Variants in MAP3K1 observed in about 807,000 individuals in gnomAD.
The protein encoded by MAP3K1 is mitogen-activated protein kinase kinase kinase 1.
Under a neutral mutation model 144.2 loss-of-function variants are expected in MAP3K1, and 36 were observed. That is an observed-to-expected ratio of 0.25 (90% CI 0.19 to 0.33). The LOEUF is 0.33. Ranked by LOEUF, MAP3K1 falls within the 10% of genes least tolerant of loss-of-function variation. The pLI, the probability that MAP3K1 is intolerant of heterozygous loss-of-function variation, is 1.00. For missense variants in MAP3K1, 1,650 were observed against 1,881.9 expected, an observed-to-expected ratio of 0.88 and a Z score of 2.28; for synonymous variants, 718 against 688.7, an observed-to-expected ratio of 1.04 and a Z score of -0.67.
intron 1 of MAP3K1, among the ~76,000 whole-genome samples, chr5:56,824,516 A>T (rs1416120230): frequency 1.3e-5 from 2 of 152,236 alleles, no homozygotes; most frequent in Non-Finnish European, 2.9e-5. Context: ...GAGAGGAGAG[A>T]GGGAGAATAG....
At chr5:56,891,033 G>A (rs1333182045) in intron 19 of MAP3K1, among the ~76,000 whole-genome samples, 2 of 152,034 alleles carry the variant, frequency 1.3e-5, no homozygotes, top group African/African-American at 4.8e-5. Context: ...GTGACAGTGA[G>A]AGCGAGACCC....
chr5:56,878,877 A>G (rs1158157864), intron 10 of MAP3K1, 103 bp from the exon 11 acceptor site: 1 of 964,184 alleles, frequency 1.0e-6, no homozygotes, highest in Non-Finnish European at 1.7e-6. Flanking sequence ...GTTATAATCC[A>G]TTCCTGTCTA....
rs559380852 is a variant in MAP3K1 at position 56,880,815 on chromosome 5, C to T, written c.2179+13C>T. ...ATACTAAAAGCTGGTAATAACTTTT[C>T]ACTTAAAAGGAATATAGCATATTTT... is the stretch of plus-strand genomic sequence containing the variant. On this transcript the variant is annotated intron_variant, in intron 12 of 19. Transcript: ENST00000399503. 146 of 1,595,872 alleles carry T rather than the reference C, an allele frequency of 9.1e-5. 2 individuals carry two copies. The South Asian group carries it at 1.5e-3, about 17-fold the overall frequency.
chr5:56,815,894 T>G lies in MAP3K1; in HGVS notation c.321T>G (p.Pro107=). 5 of 1,318,648 alleles carry G rather than the reference T, an allele frequency of 3.8e-6. No homozygotes were observed. Among genetic ancestry groups the G allele is most frequent in the Non-Finnish European group, 3.9e-6 (4 of 1,034,218 alleles). The allele number at this position is 1,318,648 out of a possible 1,614,324, so 81.7% of individuals were successfully genotyped here. ...DAAGSGTGFQ[P]VAVPPPHGAA... ...CGGGGAGTGGGACCGGCTTCCAGCC[T>G]GTGGCGGTGCCGCCGCCCCACGGAG... is the stretch of plus-strand genomic sequence containing the variant. The change falls in exon 1 of 20, where the codon CCT becomes CCG. Residue 107 remains proline, a synonymous_variant. Transcript: ENST00000399503.
intron 1 of MAP3K1, among the ~76,000 whole-genome samples, chr5:56,849,392 A>G (rs1037619259): frequency 1.3e-5 from 2 of 152,046 alleles, no homozygotes; most frequent in Non-Finnish European, 2.9e-5. Flanking sequence ...TTGTTGTGCT[A>G]AAGAGAGGAT....
rs186793036 is a variant in MAP3K1 at position 56,864,580 on chromosome 5, A to T, written c.835-154A>T. ...TAGTAGAGATGGGTTTCACCATGTT[A>T]ACCCGGATGGTCTGGATCTCCTGAC... On this transcript the variant is annotated intron_variant, in intron 3 of 19. Transcript: ENST00000399503. Among the ~76,000 whole-genome samples the T allele has an allele frequency of 8.2e-4, 125 of 152,120 alleles. 1 individual carries two copies. The highest frequency in any genetic ancestry group is 2.8e-3 in the African/African-American group (118 of 41,490).
chr5:56,845,105 C>T (rs1012784503), intron 1 of MAP3K1, among the ~76,000 whole-genome samples: 2 of 152,196 alleles, frequency 1.3e-5, no homozygotes, highest in African/African-American at 4.8e-5. Flanking sequence ...AGAAGGTATT[C>T]ACTCAAAATA....
At chr5:56,893,147 T>C (rs1748598994) in intron 19 of MAP3K1, among the ~76,000 whole-genome samples, 2 of 152,158 alleles carry the variant, frequency 1.3e-5, no homozygotes, top group African/African-American at 2.4e-5. Flanking sequence ...TCTAAATAGC[T>C]CTGTATGCTG....
At chr5:56,865,237 A>G in intron 4 of MAP3K1, 103 bp from the exon 5 acceptor site, 1 of 754,004 alleles carries the variant, frequency 1.3e-6, no homozygotes, top group Non-Finnish European at 2.3e-6. Flanking sequence ...AATTAATAGA[A>G]ACTTTAGTAT....
In MAP3K1 at chr5:56,882,399, C is replaced by A. The variant is rs768559085; in HGVS notation, c.3199C>A (p.Pro1067Thr). 2.5e-6 allele frequency: 4 copies of A among 1,614,064 alleles called. No individual in the cohort carries two copies. The South Asian group carries it at 4.4e-5, about 18-fold the overall frequency. Reference protein sequence around the residue: ...IHRPKPSRPTPGNTSKQGDPS... With the variant: ...IHRPKPSRPTTGNTSKQGDPS... ...CAGGCCAAAGCCATCTAGACCTACC[C>A]CAGGTAATACAAGTAAACAGGGAGA... The change falls in exon 14 of 20, where the codon CCA becomes ACA. Residue 1067 changes from proline to threonine, a missense_variant. Coordinates refer to ENST00000399503, the MANE Select transcript of MAP3K1 (RefSeq NM_005921.2).
intron 1 of MAP3K1, among the ~76,000 whole-genome samples, chr5:56,836,688 A>C: frequency 6.6e-6 from 1 of 152,136 alleles, no homozygotes. Context: ...CTGTCATATT[A>C]TGATGGCAGA....
At chr5:56,841,201 T>TAA (rs768299742) in intron 1 of MAP3K1, among the ~76,000 whole-genome samples, 1,969 of 85,966 alleles carry the variant, frequency 0.023, 19 homozygotes, top group Non-Finnish European at 0.042. Flanking sequence ...GCTTATTGAT[T>TAA]TAAAAAAAAA....
Position 56,865,363 on chromosome 5 carries a change from A to G in MAP3K1, c.1059A>G (p.Thr353=), listed in dbSNP as rs758071467. The G allele has an allele frequency of 1.2e-6, 2 of 1,610,488 alleles. No individual in the cohort carries two copies. The highest frequency in any genetic ancestry group is 8.5e-7 in the Non-Finnish European group (1 of 1,176,746). The change falls in exon 5 of 20, where the codon ACA becomes ACG. Residue 353 remains threonine, a synonymous_variant. Coordinates refer to ENST00000399503, the MANE Select transcript of MAP3K1 (RefSeq NM_005921.2). ...AGAACTGCAGCTGTGCACGTGGAAC[A>G]TTCTGTATTCATCTGCTATTTGTGA... The part of the protein sequence containing the change: ...GPQNCSCARG[T]FCIHLLFVML...
chr5:56,889,852 C>T (rs1748493344), intron 19 of MAP3K1, among the ~76,000 whole-genome samples: 2 of 152,192 alleles, frequency 1.3e-5, no homozygotes, highest in African/African-American at 4.8e-5. Context: ...CTCCACCTGC[C>T]ATAACCTCCT....
At position 56,881,734 on chromosome 5, in the gene MAP3K1, G is replaced by C. The variant is rs750114442; in HGVS notation, c.2534G>C (p.Ser845Thr). The C allele has an allele frequency of 6.2e-7, 1 of 1,614,138 alleles. No homozygotes were observed. The highest frequency in any genetic ancestry group is 8.5e-7 in the Non-Finnish European group (1 of 1,180,026). The change falls in exon 14 of 20, where the codon AGT (serine) becomes ACT (threonine). Residue 845 changes from serine (S) to threonine (T), a missense_variant. This residue lies in a region of MAP3K1 where 841 missense variants were observed against 886.5 expected (regional missense o/e 0.95). Coordinates refer to ENST00000399503, the MANE Select transcript of MAP3K1 (RefSeq NM_005921.2). ...CTGTTAGAAATGCTGAGTGTTTCCA[G>C]TTCCACTCACTTCACCAGGATGCGT... is the stretch of plus-strand genomic sequence containing the variant. ...SKLLEMLSVSSSTHFTRMRRR... is the reference protein window; with the variant it reads ...SKLLEMLSVSTSTHFTRMRRR...
intron 16 of MAP3K1, among the ~76,000 whole-genome samples, 180 bp from the exon 17 acceptor site, chr5:56,885,752 A>C (rs1748360028): frequency 6.6e-6 from 1 of 152,208 alleles, no homozygotes; most frequent in South Asian, 2.1e-4. Context: ...GGGTTCTGTG[A>C]AAATGTCTCC....
intron 1 of MAP3K1, among the ~76,000 whole-genome samples, chr5:56,816,387 G>A (rs966612882): frequency 1.3e-5 from 2 of 152,004 alleles, no homozygotes; most frequent in Non-Finnish European, 2.9e-5. Flanking sequence ...GGGGCTCTCC[G>A]AGGAGCCCGG....
chr5:56,856,476 G>T, intron 1 of MAP3K1, 124 bp from the exon 2 acceptor site: 1 of 814,514 alleles, frequency 1.2e-6, no homozygotes. Flanking sequence ...GGGGTTTTTA[G>T]CAGTTATCTT....
intron 5 of MAP3K1, 22 bp downstream of exon 5, chr5:56,865,478 G>A (rs1235130820): frequency 1.6e-6 from 2 of 1,230,934 alleles, no homozygotes; most frequent in South Asian, 1.2e-5. Flanking sequence ...TAAATGCTTA[G>A]AGTAAAATTG....
Sources: allele counts gnomAD v4.1 joint callset (sites outside exome capture counted in the v4.1 genomes callset), GRCh38; gene constraint gnomAD v4.1.1; regional missense constraint gnomAD v4.1.1; transcripts MANE v1.5; gene names NCBI Gene and HGNC (gene_info 2026-07-23, HGNC 2026-07-21).